Variants in HTN3 observed in about 807,000 individuals in gnomAD.
HTN3 encodes histatin 3, also known as histatin-3.
Under a neutral mutation model 10.6 loss-of-function variants are expected in HTN3, and 15 were observed. The ratio of observed to expected loss-of-function variants is 1.42; its 90% CI spans 0.95 to 2.18. The LOEUF is 2.18. Ranked by LOEUF, HTN3 falls within the 30% of genes most tolerant of loss-of-function variation. The pLI, the probability that HTN3 is intolerant of heterozygous loss-of-function variation, is 0.00. For synonymous variants in HTN3, 15 were observed against 16.9 expected (o/e 0.89, Z 0.27); for missense variants, 68 against 58.0 (o/e 1.17, Z -0.56).
chr4:70,034,207 G>C (rs542440816), intron 5 of HTN3: 4 of 152,204 alleles, frequency 2.6e-5, no homozygotes, highest in Non-Finnish European at 4.4e-5. Context: ...ATTCACAAAT[G>C]GGATCTAATT....
Position 70,036,536 on chromosome 4 carries a change from G to A in HTN3, c.*303G>A, listed in dbSNP as rs906893403. Reference sequence around the variant, plus strand: ...CAATAAAATTCAAGCACATTATTATGTGTATGCTCTTTATTTCTCTTTTTT... The same window carrying A: ...CAATAAAATTCAAGCACATTATTATATGTATGCTCTTTATTTCTCTTTTTT... On this transcript the variant is annotated 3_prime_UTR_variant, in exon 6 of 6. Coordinates refer to ENST00000673563, the MANE Select transcript of HTN3 (RefSeq NM_000200.3). 4 of 152,122 alleles carry A rather than the reference G, an allele frequency of 2.6e-5. No homozygotes were observed. The highest frequency in any genetic ancestry group is 9.7e-5 in the African/African-American group (4 of 41,416). The allele number at this position is 152,122 out of a possible 1,614,324, so 9.4% of individuals were successfully genotyped here.
chr4:70,035,023 C>A (rs1339182138), intron 5 of HTN3, among the ~76,000 whole-genome samples: 1 of 152,114 alleles, frequency 6.6e-6, no homozygotes, highest in Non-Finnish European at 1.5e-5. Flanking sequence ...AGGGGAACAA[C>A]ACACACCAGG....
chr4:70,029,423 G>A (rs1725321292), intron 1 of HTN3, among the ~76,000 whole-genome samples: 1 of 151,946 alleles, frequency 6.6e-6, no homozygotes, highest in Non-Finnish European at 1.5e-5. Flanking sequence ...TAAGGCAAAT[G>A]GGTTCTGCTT....
intron 1 of HTN3, among the ~76,000 whole-genome samples, chr4:70,029,911 G>A (rs1725339086): frequency 6.6e-6 from 1 of 151,950 alleles, no homozygotes; most frequent in East Asian, 1.9e-4. Flanking sequence ...TAATCTCAAG[G>A]TTGCACCATC....
intron 5 of HTN3, chr4:70,034,160 G>A (rs1274732072): frequency 2.6e-5 from 4 of 152,108 alleles, no homozygotes; most frequent in African/African-American, 9.7e-5. Flanking sequence ...AAGACTTCAT[G>A]AAGAAAATGC....
At chr4:70,033,002 AAAG>A (rs1284677063) in intron 4 of HTN3, among the ~76,000 whole-genome samples, 162 bp from the exon 5 acceptor site, 2 of 152,116 alleles carry the variant, frequency 1.3e-5, no homozygotes, top group Non-Finnish European at 2.9e-5. Context: ...CATTTTTCTG[AAAG>A]AAGAAAAATG....
chr4:70,035,712 A>G (rs1455122757), intron 5 of HTN3, among the ~76,000 whole-genome samples: 1 of 152,202 alleles, frequency 6.6e-6, no homozygotes, highest in Non-Finnish European at 1.5e-5. Context: ...AATGTTCCAA[A>G]ATCTATGAAA....
chr4:70,036,344 A>G lies in HTN3; in HGVS notation c.*111A>G, dbSNP rs539519175. The G allele has an allele frequency of 2.6e-5, 4 of 152,276 alleles. No individual in the cohort carries two copies. Among genetic ancestry groups the G allele is most frequent in the Non-Finnish European group, 4.4e-5 (3 of 68,024 alleles). 9.4% of individuals were successfully genotyped at this position (152,276 alleles called of 1,614,324 possible). A position where few individuals can be genotyped will look rare whatever the true frequency, so the allele number is the denominator to read the frequency against. On this transcript the variant is annotated 3_prime_UTR_variant, in exon 6 of 6. Coordinates refer to ENST00000673563, the MANE Select transcript of HTN3 (RefSeq NM_000200.3). ...ATCACACTACCACTGCTTTTTGAAG[A>G]ATTATCATAAGGCAATGCAGAATAA...
At chr4:70,032,550 T>G (rs1015989609) in intron 4 of HTN3, among the ~76,000 whole-genome samples, 7 of 152,048 alleles carry the variant, frequency 4.6e-5, no homozygotes, top group African/African-American at 1.7e-4. Flanking sequence ...GACAGAAAAT[T>G]TTATTTAACA....
At chr4:70,034,018 A>G (rs1467242803) in intron 5 of HTN3, 1 of 152,100 alleles carries the variant, frequency 6.6e-6, no homozygotes, top group Non-Finnish European at 1.5e-5. Flanking sequence ...GAAAACTGAA[A>G]CTGGACCCCT....
chr4:70,034,806 C>T (rs1725473257), intron 5 of HTN3, among the ~76,000 whole-genome samples: 1 of 152,180 alleles, frequency 6.6e-6, no homozygotes, highest in Admixed American at 6.5e-5. Flanking sequence ...CCCAAATGCC[C>T]ATCAATGATA....
chr4:70,035,421 G>C (rs1725489515), intron 5 of HTN3, among the ~76,000 whole-genome samples: 1 of 152,164 alleles, frequency 6.6e-6, no homozygotes, highest in Admixed American at 6.5e-5. Context: ...TGTTCTGGAA[G>C]GTGTATGGTT....
At chr4:70,032,425 T>C (rs1238119516) in intron 4 of HTN3, among the ~76,000 whole-genome samples, 1 of 152,074 alleles carries the variant, frequency 6.6e-6, no homozygotes, top group Non-Finnish European at 1.5e-5. Context: ...TTCCTAATTC[T>C]ATGAAGTATA....
intron 5 of HTN3, 44 bp downstream of exon 5, chr4:70,033,297 T>A (rs1578174659): frequency 2.3e-6 from 2 of 886,854 alleles, no homozygotes; most frequent in East Asian, 5.3e-5. Context: ...GTATCAACAC[T>A]GACAGTTAAA....
chr4:70,035,543 A>G (rs1725495691), intron 5 of HTN3, among the ~76,000 whole-genome samples: 1 of 152,190 alleles, frequency 6.6e-6, no homozygotes, highest in African/African-American at 2.4e-5. Flanking sequence ...GGAACTCATG[A>G]GAAATTTACG....
chr4:70,033,463 G>T, intron 5 of HTN3: 1 of 382,376 alleles, frequency 2.6e-6, no homozygotes, highest in Non-Finnish European at 4.7e-6. Context: ...CTGTTCCATT[G>T]GTCTATATGT....
At chr4:70,030,507 T>G (rs1277568656) in intron 1 of HTN3, among the ~76,000 whole-genome samples, 2 of 152,116 alleles carry the variant, frequency 1.3e-5, no homozygotes, top group Non-Finnish European at 2.9e-5. Context: ...TGTCACACAC[T>G]TGTAGTTCCA....
chr4:70,030,645 G>A, intron 1 of HTN3, 83 bp from the exon 2 acceptor site: 1 of 940,962 alleles, frequency 1.1e-6, no homozygotes, highest in Non-Finnish European at 1.7e-6. Context: ...CCAATGCTTT[G>A]AAGCATAGTG....
intron 5 of HTN3, chr4:70,034,554 T>C (rs1293470641): frequency 6.6e-6 from 1 of 152,258 alleles, no homozygotes; most frequent in East Asian, 1.9e-4. Context: ...CAAGAAACGA[T>C]AGATGATGGC....
Sources: allele counts gnomAD v4.1 joint callset (sites outside exome capture counted in the v4.1 genomes callset), GRCh38; gene constraint gnomAD v4.1.1; transcripts MANE v1.5; gene names NCBI Gene and HGNC (gene_info 2026-07-23, HGNC 2026-07-21).